The following MYBL2 variants were observed in gnomAD, a reference collection of about 807,000 sequenced individuals.
MYBL2 encodes myb-related protein B.
In MYBL2, 28 loss-of-function variants were observed where a neutral mutation model predicts 79.9. The ratio of observed to expected loss-of-function variants is 0.35; its 90% CI spans 0.26 to 0.48. The LOEUF is 0.48. Among genes scored for constraint, MYBL2 ranks in the 20% least tolerant of loss-of-function variants. The probability of loss-of-function intolerance (pLI) is 0.99; values close to 1 mark genes in which losing one functional copy is unlikely to be tolerated. For missense variants in MYBL2, 735 were observed against 893.9 expected, an observed-to-expected ratio of 0.82 and a Z score of 2.27; for synonymous variants, 378 against 361.2, an observed-to-expected ratio of 1.05 and a Z score of -0.53.
chr20:43,700,671 C>T (rs980387532), intron 7 of MYBL2, among the ~76,000 whole-genome samples: 3 of 152,056 alleles, frequency 2.0e-5, no homozygotes, highest in East Asian at 1.9e-4. Context: ...TATGGGGGTC[C>T]GTGTTCGCCT....
At chr20:43,695,974 C>T (rs1233539464) in intron 6 of MYBL2, among the ~76,000 whole-genome samples, 1 of 151,938 alleles carries the variant, frequency 6.6e-6, no homozygotes, top group African/African-American at 2.4e-5. Context: ...GCCGAGTTCG[C>T]ACTGCTGCAC....
intron 4 of MYBL2, among the ~76,000 whole-genome samples, chr20:43,684,656 A>C (rs1987224997): frequency 6.6e-6 from 1 of 151,244 alleles, no homozygotes; most frequent in African/African-American, 2.4e-5. Flanking sequence ...GATTACAGTC[A>C]TGAGCCATGG....
chr20:43,682,690 C>A (rs1987172861), intron 3 of MYBL2, 104 bp from the exon 4 acceptor site: 2 of 1,011,988 alleles, frequency 2.0e-6, no homozygotes, highest in African/African-American at 1.6e-5. Flanking sequence ...CAAGGTGTGC[C>A]TAGTCCCAGG....
chr20:43,681,876 G>A (rs767934214), intron 3 of MYBL2, 21 bp downstream of exon 3: 2 of 1,613,224 alleles, frequency 1.2e-6, no homozygotes. Flanking sequence ...TCCTGCTGTG[G>A]CCCTCCCTCG....
Position 43,716,045 on chromosome 20 carries a change from C to T in MYBL2, c.2061C>T (p.Arg687=). 2.5e-6 allele frequency: 4 copies of T among 1,610,870 alleles called. No homozygotes were observed. Among genetic ancestry groups the T allele is most frequent in the Non-Finnish European group, 2.5e-6 (3 of 1,179,866 alleles). ...AGAAAGCCCGGCAGCTCCTGGGCCG[C>T]CTGAAGCCCAGCCACACATCTCGGA... ...MQEKARQLLG[R]LKPSHTSRTL... is the part of the protein sequence containing the mutation. Residue 687 remains arginine (R), a synonymous_variant, in exon 14 of 14, where the codon CGC becomes CGT. Coordinates refer to ENST00000217026, the MANE Select transcript of MYBL2 (RefSeq NM_002466.4).
intron 11 of MYBL2, among the ~76,000 whole-genome samples, 198 bp from the exon 12 acceptor site, chr20:43,712,804 G>C (rs1463111920): frequency 6.6e-6 from 1 of 152,158 alleles, no homozygotes; most frequent in Admixed American, 6.5e-5. Flanking sequence ...TGGGTACAGA[G>C]TCTAATGGGG....
intron 7 of MYBL2, among the ~76,000 whole-genome samples, chr20:43,701,054 T>C (rs1033848132): frequency 6.6e-6 from 1 of 152,136 alleles, no homozygotes; most frequent in Non-Finnish European, 1.5e-5. Context: ...AGGTGGGTAG[T>C]GGACTCATCA....
intron 4 of MYBL2, among the ~76,000 whole-genome samples, chr20:43,683,789 C>T (rs192786783): frequency 4.1e-4 from 62 of 151,904 alleles, no homozygotes; most frequent in African/African-American, 1.4e-3. Context: ...CTCCTGACCT[C>T]GTGATCTACC....
intron 6 of MYBL2, among the ~76,000 whole-genome samples, chr20:43,695,037 A>ATTT (rs3092677): frequency 7.6e-5 from 11 of 144,044 alleles, no homozygotes; most frequent in Non-Finnish European, 7.6e-5. Context: ...CAGGAGGTCA[A>ATTT]TTTTTTTTTT....
At chr20:43,701,186 A>G (rs769903656) in intron 7 of MYBL2, among the ~76,000 whole-genome samples, 16 of 152,300 alleles carry the variant, frequency 1.1e-4, no homozygotes, top group South Asian at 2.1e-4. Flanking sequence ...TCTTTCCACA[A>G]TGACCTTCAG....
intron 9 of MYBL2, among the ~76,000 whole-genome samples, chr20:43,706,036 C>T (rs1262654249): frequency 2.0e-5 from 3 of 152,236 alleles, no homozygotes; most frequent in Non-Finnish European, 4.4e-5. Context: ...GCTACTTTAT[C>T]TGGGCTGGTC....
At chr20:43,712,224 C>T (rs563115899) in intron 11 of MYBL2, among the ~76,000 whole-genome samples, 1 of 152,130 alleles carries the variant, frequency 6.6e-6, no homozygotes, top group Non-Finnish European at 1.5e-5. Flanking sequence ...TGACAGTGCG[C>T]GATCCCTTCG....
chr20:43,687,635 C>T (rs62226227), intron 5 of MYBL2, among the ~76,000 whole-genome samples: 3,973 of 152,120 alleles, frequency 0.026, 71 homozygotes, highest in Non-Finnish European at 0.036. Flanking sequence ...TCATATTGAT[C>T]CTCTGCTATG....
chr20:43,671,158 TA>T (rs1161605887), intron 1 of MYBL2, among the ~76,000 whole-genome samples: 3 of 151,740 alleles, frequency 2.0e-5, no homozygotes, highest in East Asian at 1.9e-4. Context: ...TTTATTTATT[TA>T]TTTTTTTTGA....
At chr20:43,699,693 C>G (rs1987635773) in intron 6 of MYBL2, 64 bp from the exon 7 acceptor site, 2 of 1,527,314 alleles carry the variant, frequency 1.3e-6, no homozygotes, top group Non-Finnish European at 1.8e-6. Context: ...TGTGGTTTAG[C>G]TGGAAACTAC....
At chr20:43,710,473 C>T (rs1325033476) in intron 10 of MYBL2, among the ~76,000 whole-genome samples, 3 of 152,224 alleles carry the variant, frequency 2.0e-5, no homozygotes, top group East Asian at 1.9e-4. Flanking sequence ...GAAAGCCCCT[C>T]GGGGACGTCT....
At chr20:43,668,863 G>T (rs569703124) in intron 1 of MYBL2, among the ~76,000 whole-genome samples, 21 of 152,076 alleles carry the variant, frequency 1.4e-4, no homozygotes, top group African/African-American at 5.1e-4. Context: ...GCCACAACTG[G>T]CTAATTTATT....
chr20:43,679,259 C>T lies in MYBL2; in HGVS notation c.115-2525C>T, dbSNP rs537723747. On this transcript the variant is annotated intron_variant, in intron 2 of 13. Coordinates refer to ENST00000217026, the MANE Select transcript of MYBL2 (RefSeq NM_002466.4). ...TGTAGTTGAGGGCTTTGATACCTGT[C>T]GTGGGCCACGTTGTGACCAATTTTT... 3.9e-5 allele frequency among the ~76,000 whole-genome samples: 6 copies of T among 152,274 alleles called. 1 individual carries two copies. Among genetic ancestry groups the T allele is most frequent in the African/African-American group, 1.2e-4 (5 of 41,556 alleles).
chr20:43,706,870 C>A (rs1221027932), intron 9 of MYBL2, among the ~76,000 whole-genome samples: 1 of 151,128 alleles, frequency 6.6e-6, no homozygotes, highest in African/African-American at 2.4e-5. Flanking sequence ...CACGCGCCAC[C>A]ACACCCAGCT....
Sources: gnomAD v4.1 joint callset for allele counts (sites outside exome capture counted in the v4.1 genomes callset) on GRCh38, gnomAD v4.1.1 for gene constraint, MANE v1.5 for transcripts, NCBI Gene and HGNC (gene_info 2026-07-23, HGNC 2026-07-21) for gene names.